Variants in CCDC18 observed in about 807,000 individuals in gnomAD.
CCDC18 encodes coiled-coil domain-containing protein 18.
In CCDC18, 157 loss-of-function variants were observed where a neutral mutation model predicts 196.0. The observed-to-expected ratio is 0.80, with a 90% CI of 0.70 to 0.91. The LOEUF (loss-of-function observed/expected upper bound fraction) is 0.91, where lower values mean the gene tolerates loss of function less well. Ranked by LOEUF, CCDC18 falls within the 40% of genes least tolerant of loss-of-function variation. The pLI, the probability that CCDC18 is intolerant of heterozygous loss-of-function variation, is 0.00. For synonymous variants in CCDC18, 482 were observed against 529.2 expected, an observed-to-expected ratio of 0.91 and a Z score of 1.22; for missense variants, 1,465 against 1,611.6, an observed-to-expected ratio of 0.91 and a Z score of 1.56.
chr1:93,250,722 CTTT>C (rs978342353), intron 23 of CCDC18, among the ~76,000 whole-genome samples: 1 of 152,102 alleles, frequency 6.6e-6, no homozygotes, highest in African/African-American at 2.4e-5. Context: ...TACTGGCCTT[CTTT>C]GTCTCTTTCT....
chr1:93,251,123 G>A (rs542459285), intron 23 of CCDC18, among the ~76,000 whole-genome samples: 1 of 151,974 alleles, frequency 6.6e-6, no homozygotes, highest in South Asian at 2.1e-4. Flanking sequence ...TCTCTCACAG[G>A]TTTTTGCTTT....
At chr1:93,203,201 G>T (rs898242854) in intron 7 of CCDC18, among the ~76,000 whole-genome samples, 1 of 152,184 alleles carries the variant, frequency 6.6e-6, no homozygotes, top group African/African-American at 2.4e-5. Context: ...CCACTTGAAT[G>T]CATTAGAAGC....
intron 23 of CCDC18, among the ~76,000 whole-genome samples, chr1:93,252,855 C>T (rs1027684998): frequency 2.0e-5 from 3 of 152,220 alleles, no homozygotes; most frequent in Admixed American, 6.5e-5. Flanking sequence ...GAATAATCTA[C>T]ATCCAGGCTT....
Position 93,191,992 on chromosome 1 carries a change from T to C in CCDC18, c.463-8T>C, listed in dbSNP as rs756688366. The stretch of plus-strand genomic sequence containing the variant: ...GAAAGTACTATAAAAGTTGTTTTTA[T>C]GTTTTAGGTTTCTATGCTTGAGTCT... On this transcript the variant is annotated splice_polypyrimidine_tract_variant and splice_region_variant and intron_variant, in intron 4 of 28. Transcript: ENST00000690025. 1 of 1,591,342 alleles carries C rather than the reference T, an allele frequency of 6.3e-7. No individual in the cohort carries two copies. Among genetic ancestry groups the C allele is most frequent in the South Asian group, 1.1e-5 (1 of 89,466 alleles).
At chr1:93,195,722 G>T (rs1183100394) in intron 6 of CCDC18, among the ~76,000 whole-genome samples, 1 of 152,116 alleles carries the variant, frequency 6.6e-6, no homozygotes, top group Non-Finnish European at 1.5e-5. Context: ...AGCATTTAAG[G>T]CACCATCTTG....
At chr1:93,264,982 A>G (rs1458884522) in intron 27 of CCDC18, 81 bp downstream of exon 27, 1 of 971,752 alleles carries the variant, frequency 1.0e-6, no homozygotes, top group East Asian at 2.5e-5. Flanking sequence ...AGTAGTTTAT[A>G]GAGGACTATA....
chr1:93,263,446 A>G (rs1664086362), intron 26 of CCDC18, among the ~76,000 whole-genome samples: 1 of 152,114 alleles, frequency 6.6e-6, no homozygotes. Context: ...AATCCTTAAA[A>G]ATTTCTTCTC....
chr1:93,271,557 G>T, intron 28 of CCDC18: 4 of 983,854 alleles, frequency 4.1e-6, no homozygotes, highest in Non-Finnish European at 4.8e-6. Flanking sequence ...ACTCTAAGCT[G>T]GGTGCAGTGG....
intron 28 of CCDC18, among the ~76,000 whole-genome samples, chr1:93,276,037 T>A (rs1021701910): frequency 1.3e-5 from 2 of 152,232 alleles, no homozygotes; most frequent in African/African-American, 4.8e-5. Flanking sequence ...TCTTAAGCAA[T>A]TTTTTAAAGC....
intron 4 of CCDC18, among the ~76,000 whole-genome samples, chr1:93,188,028 ATAATT>A (rs1651013001): frequency 6.6e-6 from 1 of 152,244 alleles, no homozygotes; most frequent in Non-Finnish European, 1.5e-5. Context: ...AGACATAAAG[ATAATT>A]TAATAACTAC....
intron 28 of CCDC18, among the ~76,000 whole-genome samples, chr1:93,276,956 T>C (rs1323991900): frequency 7.4e-6 from 1 of 134,354 alleles, no homozygotes; most frequent in Non-Finnish European, 1.5e-5. Flanking sequence ...TTAGTATTTA[T>C]TGATCATCTG....
Position 93,192,257 on chromosome 1 carries a change from A to G in CCDC18, c.569+151A>G, listed in dbSNP as rs549754500. Reference sequence around the variant, plus strand: ...AACTTGTTGAATCTATTTTTAGTCAATCATAACTCCTCTTGGCTGTAGGTT... The same window carrying G: ...AACTTGTTGAATCTATTTTTAGTCAGTCATAACTCCTCTTGGCTGTAGGTT... On this transcript the variant is annotated intron_variant, in intron 5 of 28. Coordinates refer to ENST00000690025, the MANE Select transcript of CCDC18 (RefSeq NM_001378204.1). 6.3e-4 allele frequency: 388 copies of G among 619,898 alleles called. No individual in the cohort carries two copies. In the African/African-American group the frequency reaches 6.5e-3, roughly 10 times the overall value. 38.4% of individuals were successfully genotyped at this position (619,898 alleles called of 1,614,324 possible).
chr1:93,192,237 G>T, intron 5 of CCDC18, 131 bp downstream of exon 5: 1 of 644,096 alleles, frequency 1.6e-6, no homozygotes, highest in South Asian at 2.1e-5. Context: ...CTTAGAACTT[G>T]TTGAATCTAT....
At chr1:93,192,153 C>A in intron 5 of CCDC18, 47 bp downstream of exon 5, 1 of 1,227,180 alleles carries the variant, frequency 8.1e-7, no homozygotes, top group Non-Finnish European at 1.2e-6. Context: ...TCTACTTATA[C>A]ATTTTATTAT....
chr1:93,182,082 G>C (rs1314419003), intron 1 of CCDC18, among the ~76,000 whole-genome samples: 1 of 152,178 alleles, frequency 6.6e-6, no homozygotes, highest in Non-Finnish European at 1.5e-5. Context: ...AAGCAGGATG[G>C]GGACCTGATT....
At chr1:93,270,296 TC>T (rs1665115732) in intron 27 of CCDC18, 50 bp from the exon 28 acceptor site, 1 of 1,012,802 alleles carries the variant, frequency 9.9e-7, no homozygotes, top group African/African-American at 1.6e-5. Flanking sequence ...AGGAGTTCAT[TC>T]ATTTAACAAA....
rs1557695563 is a variant in CCDC18, at chr1:93,254,557, A to G, written c.3285A>G (p.Ile1095Met). 3.1e-6 allele frequency: 5 copies of G among 1,609,534 alleles called. No homozygotes were observed. The highest frequency in any genetic ancestry group is 4.2e-6 in the Non-Finnish European group (5 of 1,177,194). ...EFIMLQNEQE[I>M]SQLKKEIERT... ...TAATGCTACAAAATGAACAGGAGAT[A>G]AGTCAACTGAAAAAAGAAATTGAAA... is the stretch of plus-strand genomic sequence containing the variant. Residue 1095 changes from isoleucine (I) to methionine (M), a missense_variant, in exon 24 of 29, where the codon ATA (isoleucine) becomes ATG (methionine). Transcript: ENST00000690025.
intron 21 of CCDC18, 60 bp from the exon 22 acceptor site, chr1:93,246,045 C>A: frequency 8.3e-7 from 1 of 1,198,000 alleles, no homozygotes; most frequent in Non-Finnish European, 1.1e-6. Context: ...GTTGACCTAA[C>A]TTTTTAAAAT....
At chr1:93,183,329 C>A in intron 1 of CCDC18, 31 bp from the exon 2 acceptor site, 4 of 1,449,192 alleles carry the variant, frequency 2.8e-6, no homozygotes, top group Non-Finnish European at 3.7e-6. Context: ...ATCTTTCAGA[C>A]AAGGTACAAG....
Sources: gnomAD v4.1 joint callset for allele counts (sites outside exome capture counted in the v4.1 genomes callset) on GRCh38, gnomAD v4.1.1 for gene constraint, MANE v1.5 for transcripts, NCBI Gene and HGNC (gene_info 2026-07-23, HGNC 2026-07-21) for gene names.